The following DACH2 variants were observed in gnomAD, a reference collection of about 807,000 sequenced individuals.
DACH2 encodes the protein dachshund family transcription factor 2.
A neutral mutation model predicts 35.8 loss-of-function variants in DACH2; 17 were observed. The observed-to-expected ratio is 0.48, with a 90% CI of 0.33 to 0.71. The LOEUF is 0.71. Ranked by LOEUF, DACH2 falls within the 30% of genes least tolerant of loss-of-function variation. The pLI, the probability that DACH2 is intolerant of heterozygous loss-of-function variation, is 0.02. For missense variants in DACH2, 469 were observed against 472.7 expected (o/e 0.99, Z 0.07); for synonymous variants, 195 against 177.3 (o/e 1.10, Z -0.79).
At chrX:86,501,750 G>C (rs1477632774) in intron 2 of DACH2, among the ~76,000 whole-genome samples, 1 of 111,119 alleles carries the variant, frequency 9.0e-6, no homozygotes, top group Non-Finnish European at 1.9e-5. Context: ...TTTATATCCT[G>C]CCAATTTTCA....
At chrX:86,704,112 G>A (rs1327436378) in intron 5 of DACH2, among the ~76,000 whole-genome samples, 3 of 111,568 alleles carry the variant, frequency 2.7e-5, no homozygotes, top group Non-Finnish European at 5.7e-5. Flanking sequence ...TATGAATATA[G>A]ACATATAGAC....
chrX:86,525,104 AAG>A (rs1158785327), intron 3 of DACH2, among the ~76,000 whole-genome samples: 1 of 111,652 alleles, frequency 9.0e-6, no homozygotes, highest in African/African-American at 3.3e-5. Flanking sequence ...AGAGACAATA[AAG>A]ATTTGAGCCA....
At chrX:86,743,530 T>G (rs1296112496) in intron 7 of DACH2, among the ~76,000 whole-genome samples, 1 of 111,647 alleles carries the variant, frequency 9.0e-6, no homozygotes, top group African/African-American at 3.2e-5. Context: ...ATTTTTCTAT[T>G]TACTAAAGGT....
intron 1 of DACH2, among the ~76,000 whole-genome samples, chrX:86,282,635 A>C (rs2034055020): frequency 9.0e-6 from 1 of 111,328 alleles, no homozygotes; most frequent in Non-Finnish European, 1.9e-5. Flanking sequence ...GGCAACCTAC[A>C]GAATGGGAGA....
At chrX:86,200,616 T>A (rs1253475762) in intron 1 of DACH2, among the ~76,000 whole-genome samples, 6 of 37,325 alleles carry the variant, frequency 1.6e-4, no homozygotes, top group South Asian at 8.8e-4. Flanking sequence ...GAAAAGTGGG[T>A]AAAGGACATG....
intron 6 of DACH2, among the ~76,000 whole-genome samples, chrX:86,736,308 C>T (rs779541178): frequency 1.8e-5 from 2 of 111,208 alleles, no homozygotes; most frequent in African/African-American, 6.5e-5. Flanking sequence ...GTACAGGCTA[C>T]AAAATCTTAA....
At chrX:86,384,575 G>C (rs751578864) in intron 2 of DACH2, among the ~76,000 whole-genome samples, 1 of 111,826 alleles carries the variant, frequency 8.9e-6, no homozygotes, top group South Asian at 3.6e-4. Flanking sequence ...ATTGCTCAAT[G>C]GGTTCTTCTC....
intron 3 of DACH2, among the ~76,000 whole-genome samples, chrX:86,596,083 G>A (rs1010822591): frequency 8.9e-6 from 1 of 111,893 alleles, no homozygotes; most frequent in African/African-American, 3.2e-5. Context: ...GTTGCAGCAA[G>A]TATTAGTTCC....
At chrX:86,339,434 CA>C (rs900464006) in intron 1 of DACH2, among the ~76,000 whole-genome samples, 2 of 111,775 alleles carry the variant, frequency 1.8e-5, no homozygotes, top group Non-Finnish European at 3.8e-5. Context: ...TTTGATTTAT[CA>C]GAATAATGAT....
At chrX:86,502,051 CTTCT>C (rs1220826084) in intron 2 of DACH2, among the ~76,000 whole-genome samples, 63 of 89,405 alleles carry the variant, frequency 7.0e-4, no homozygotes, top group African/African-American at 2.6e-3. Flanking sequence ...TCCTTCCTTC[CTTCT>C]TTCTTTCCTT....
At chrX:86,652,386 T>C (rs1017661339) in intron 4 of DACH2, among the ~76,000 whole-genome samples, 5 of 112,387 alleles carry the variant, frequency 4.4e-5, no homozygotes, top group African/African-American at 1.6e-4. Context: ...TTTGCTATTG[T>C]GAATAGTGCT....
rs762138788 is a variant in DACH2, at chrX:86,174,330, T to C, written c.488+25222T>C. Among the ~76,000 whole-genome samples the C allele has an allele frequency of 5.1e-4, 56 of 110,341 alleles. No homozygotes were observed. The Middle Eastern group carries it at 0.014, about 27-fold the overall frequency. ...TTTTAGAGACCTGAGTCTCACTATGTTGCCCAGGCTGTTCTTGAACTTCTG... is the reference window on the plus strand; with the variant it reads ...TTTTAGAGACCTGAGTCTCACTATGCTGCCCAGGCTGTTCTTGAACTTCTG... On this transcript the variant is annotated intron_variant, in intron 1 of 11. Transcript: ENST00000373125.
chrX:86,591,242 T>A (rs1373726373), intron 3 of DACH2, among the ~76,000 whole-genome samples: 3 of 111,885 alleles, frequency 2.7e-5, no homozygotes, highest in African/African-American at 9.8e-5. Flanking sequence ...TTTGGGTTGG[T>A]TCCAAGTCTT....
chrX:86,736,472 T>C (rs1222513301), intron 6 of DACH2, among the ~76,000 whole-genome samples: 1 of 112,145 alleles, frequency 8.9e-6, no homozygotes, highest in Non-Finnish European at 1.9e-5. Flanking sequence ...TATATCATTT[T>C]ATCCTATGCT....
In DACH2 at chrX:86,563,057, G is replaced by A. The variant is rs186488405; in HGVS notation, c.640+48666G>A. Among the ~76,000 whole-genome samples, 843 of 110,518 alleles carry A rather than the reference G, an allele frequency of 7.6e-3. 6 individuals carry two copies. Among genetic ancestry groups the A allele is most frequent in the Non-Finnish European group, 0.013 (685 of 52,648 alleles). On this transcript the variant is annotated intron_variant, in intron 3 of 11. Coordinates refer to ENST00000373125, the MANE Select transcript of DACH2 (RefSeq NM_053281.3). ...ATTTTGCTGCACTAGACTTAGATTG[G>A]TCTAGGTTTCTTAAGAAAGGAGTGA...
rs140740056 is a variant in DACH2, at chrX:86,311,873, G to A, written c.489-64951G>A. ...ACTACTCCACAATAGAGGTAAGGAAGAGTATGCATGGAATACAGGAGATCC... is the reference window on the plus strand; with the variant it reads ...ACTACTCCACAATAGAGGTAAGGAAAAGTATGCATGGAATACAGGAGATCC... On this transcript the variant is annotated intron_variant, in intron 1 of 11. Transcript: ENST00000373125. 3.8e-3 allele frequency among the ~76,000 whole-genome samples: 428 copies of A among 111,668 alleles called. 1 individual carries two copies. The highest frequency in any genetic ancestry group is 0.023 in the Middle Eastern group (5 of 215).
chrX:86,149,495 C>T (rs1246929580), intron 1 of DACH2, among the ~76,000 whole-genome samples: 1 of 111,989 alleles, frequency 8.9e-6, no homozygotes, highest in African/African-American at 3.2e-5. Flanking sequence ...ACACGGATAC[C>T]AAGGGCTTTC....
At chrX:86,694,228 C>A (rs1354055149) in intron 4 of DACH2, among the ~76,000 whole-genome samples, 1 of 112,030 alleles carries the variant, frequency 8.9e-6, no homozygotes, top group Non-Finnish European at 1.9e-5. Flanking sequence ...TAAAGCCAGA[C>A]TATGTGCTCC....
At chrX:86,755,101 T>A (rs934425708) in intron 7 of DACH2, among the ~76,000 whole-genome samples, 2 of 111,663 alleles carry the variant, frequency 1.8e-5, no homozygotes, top group Non-Finnish European at 3.8e-5. Flanking sequence ...ATTTGTTATC[T>A]ATTTAATAAT....
Sources: allele counts gnomAD v4.1 joint callset (sites outside exome capture counted in the v4.1 genomes callset), GRCh38; gene constraint gnomAD v4.1.1; transcripts MANE v1.5; gene names NCBI Gene and HGNC (gene_info 2026-07-23, HGNC 2026-07-21).